The following ALCAM variants were observed in gnomAD, a reference collection of about 807,000 sequenced individuals.
ALCAM encodes activated leukocyte cell adhesion molecule, also known as CD166 antigen.
ALCAM carries 30 observed loss-of-function variants against 70.9 expected under a neutral mutation model. The observed-to-expected ratio is 0.42, with a 90% CI of 0.32 to 0.57. ALCAM has a LOEUF of 0.57. Among genes scored for constraint, ALCAM ranks in the 20% least tolerant of loss-of-function variants. The probability of loss-of-function intolerance (pLI) is 0.11; values close to 1 mark genes in which losing one functional copy is unlikely to be tolerated. For synonymous variants in ALCAM, 249 were observed against 242.5 expected (o/e 1.03, Z -0.25); for missense variants, 591 against 695.1 (o/e 0.85, Z 1.68).
rs906619515 is a variant in ALCAM at position 105,497,420 on chromosome 3, G to T, written c.74-22647G>T. ...TGCATGTAATTTCTTCAGAGAAAAT[G>T]CCTTACTGGATGTGTATTGTGCACT... On this transcript the variant is annotated intron_variant, in intron 1 of 15. Coordinates refer to ENST00000306107, the MANE Select transcript of ALCAM (RefSeq NM_001627.4). 7.2e-5 allele frequency among the ~76,000 whole-genome samples: 11 copies of T among 152,142 alleles called. 1 individual carries two copies. Among genetic ancestry groups the T allele is most frequent in the Non-Finnish European group, 1.5e-5 (1 of 68,030 alleles).
chr3:105,437,275 C>A (rs1937070283), intron 1 of ALCAM, among the ~76,000 whole-genome samples: 1 of 152,214 alleles, frequency 6.6e-6, no homozygotes, highest in Middle Eastern at 3.4e-3. Context: ...CTGATTGTTG[C>A]CTATAACAGA....
intron 1 of ALCAM, among the ~76,000 whole-genome samples, chr3:105,433,006 A>G (rs1285996330): frequency 1.3e-5 from 2 of 152,182 alleles, no homozygotes; most frequent in Non-Finnish European, 2.9e-5. Flanking sequence ...AACTTTGTTC[A>G]GAAGACTTTA....
intron 1 of ALCAM, among the ~76,000 whole-genome samples, chr3:105,377,289 AG>A (rs1397020381): frequency 1.3e-5 from 2 of 152,142 alleles, no homozygotes; most frequent in Non-Finnish European, 2.9e-5. Flanking sequence ...ATTACAAACT[AG>A]AGCAGTGAAC....
intron 1 of ALCAM, among the ~76,000 whole-genome samples, chr3:105,494,650 C>T (rs1382220197): frequency 6.6e-6 from 1 of 150,392 alleles, no homozygotes; most frequent in African/African-American, 2.4e-5. Flanking sequence ...TCCCTTCTTT[C>T]CTTCCTTCCT....
chr3:105,394,072 T>A (rs909267844), intron 1 of ALCAM, among the ~76,000 whole-genome samples: 4 of 151,948 alleles, frequency 2.6e-5, no homozygotes, highest in Non-Finnish European at 5.9e-5. Context: ...AGTATTCAAG[T>A]ACTATGGTAC....
chr3:105,488,537 A>T (rs1938492738), intron 1 of ALCAM, among the ~76,000 whole-genome samples: 1 of 152,148 alleles, frequency 6.6e-6, no homozygotes, highest in Non-Finnish European at 1.5e-5. Flanking sequence ...AGAAGAATAA[A>T]TCTATTAAAC....
intron 1 of ALCAM, among the ~76,000 whole-genome samples, chr3:105,507,816 G>A (rs1939123217): frequency 6.6e-6 from 1 of 152,140 alleles, no homozygotes; most frequent in African/African-American, 2.4e-5. Flanking sequence ...AAAGACACAG[G>A]TCTTTAAGTT....
At chr3:105,370,220 A>T (rs1359858819) in intron 1 of ALCAM, among the ~76,000 whole-genome samples, 1 of 152,200 alleles carries the variant, frequency 6.6e-6, no homozygotes, top group African/African-American at 2.4e-5. Flanking sequence ...AACTCAAATA[A>T]TGTCCTTTCA....
chr3:105,383,966 A>G (rs990925904), intron 1 of ALCAM, among the ~76,000 whole-genome samples: 2 of 151,682 alleles, frequency 1.3e-5, no homozygotes, highest in Non-Finnish European at 3.0e-5. Context: ...CAGAAATAAT[A>G]TAGAAAAGAC....
rs74550831 is a variant in ALCAM at position 105,396,280 on chromosome 3, G to A, written c.73+28799G>A. Among the ~76,000 whole-genome samples the A allele has an allele frequency of 5.6e-3, 847 of 152,128 alleles. 7 individuals are homozygous for A. Among genetic ancestry groups the A allele is most frequent in the African/African-American group, 0.02 (817 of 41,542 alleles). The stretch of plus-strand genomic sequence containing the variant: ...GTGAAGACAGAGAATGGAGCTTAGT[G>A]ATGATCATAAGGAGAGAAATAGGAG... On this transcript the variant is annotated intron_variant, in intron 1 of 15. Coordinates refer to ENST00000306107, the MANE Select transcript of ALCAM (RefSeq NM_001627.4).
chr3:105,488,936 T>C (rs1031300422), intron 1 of ALCAM, among the ~76,000 whole-genome samples: 5 of 152,234 alleles, frequency 3.3e-5, no homozygotes, highest in South Asian at 2.1e-4. Context: ...TAGGAACTTA[T>C]GATTCATGAT....
At chr3:105,454,781 G>T (rs1465789422) in intron 1 of ALCAM, among the ~76,000 whole-genome samples, 1 of 143,438 alleles carries the variant, frequency 7.0e-6, no homozygotes, top group Non-Finnish European at 1.5e-5. Context: ...TGATTGTCGT[G>T]CCTCAGCCTC....
chr3:105,369,390 G>GCTAGCCC (rs1436652377), intron 1 of ALCAM, among the ~76,000 whole-genome samples: 1 of 152,202 alleles, frequency 6.6e-6, no homozygotes, highest in Non-Finnish European at 1.5e-5. Flanking sequence ...TCGGCGAGCG[G>GCTAGCCC]CTAGCCCCGG....
chr3:105,537,615 A>G (rs1018505833), intron 6 of ALCAM, among the ~76,000 whole-genome samples: 1 of 152,038 alleles, frequency 6.6e-6, no homozygotes, highest in Non-Finnish European at 1.5e-5. Flanking sequence ...ATATGCTGTC[A>G]TTTTCCCACC....
At chr3:105,538,613 C>T (rs1940033982) in intron 6 of ALCAM, among the ~76,000 whole-genome samples, 1 of 152,026 alleles carries the variant, frequency 6.6e-6, no homozygotes, top group South Asian at 2.1e-4. Flanking sequence ...TTGTGTCAAC[C>T]TTGATCAGAG....
At chr3:105,453,607 A>T (rs1282024885) in intron 1 of ALCAM, among the ~76,000 whole-genome samples, 1 of 152,136 alleles carries the variant, frequency 6.6e-6, no homozygotes, top group Admixed American at 6.5e-5. Context: ...TAATTCTGTG[A>T]AGAATGTCAA....
intron 1 of ALCAM, among the ~76,000 whole-genome samples, chr3:105,505,839 A>T (rs970384114): frequency 2.0e-4 from 30 of 152,300 alleles, no homozygotes; most frequent in African/African-American, 6.7e-4. Context: ...CTTCAGATAT[A>T]TTTAATTTTT....
intron 1 of ALCAM, among the ~76,000 whole-genome samples, chr3:105,509,630 A>G (rs138478468): frequency 6.6e-6 from 1 of 152,016 alleles, no homozygotes; most frequent in African/African-American, 2.4e-5. Context: ...TCAACCCTTT[A>G]TCAGGTATAT....
intron 1 of ALCAM, among the ~76,000 whole-genome samples, chr3:105,394,679 G>T (rs1332427589): frequency 6.6e-6 from 1 of 151,826 alleles, no homozygotes; most frequent in South Asian, 2.1e-4. Flanking sequence ...GAGTTAAATT[G>T]TGTTTAGTAC....
Sources: allele counts gnomAD v4.1 joint callset (sites outside exome capture counted in the v4.1 genomes callset), GRCh38; gene constraint gnomAD v4.1.1; transcripts MANE v1.5; gene names NCBI Gene and HGNC (gene_info 2026-07-23, HGNC 2026-07-21).